The following MED13L variants were observed in gnomAD, a reference collection of about 807,000 sequenced individuals.
MED13L encodes mediator complex subunit 13L, also known as mediator of RNA polymerase II transcription subunit 13-like.
MED13L carries 7 observed loss-of-function variants against 220.9 expected under a neutral mutation model. That is an observed-to-expected ratio of 0.03 (90% CI 0.02 to 0.06). MED13L has a LOEUF of 0.06. Among genes scored for constraint, MED13L ranks in the 10% least tolerant of loss-of-function variants. The pLI is 1.00. For synonymous variants in MED13L, 1,011 were observed against 1,015.2 expected, an observed-to-expected ratio of 1.00 and a Z score of 0.08; for missense variants, 1,965 against 2,760.5, an observed-to-expected ratio of 0.71 and a Z score of 6.46.
chr12:115,995,238 A>G (rs1878323875), intron 16 of MED13L, among the ~76,000 whole-genome samples: 1 of 152,172 alleles, frequency 6.6e-6, no homozygotes. Context: ...TGGTTCCTTA[A>G]GCTCAGCACA....
intron 4 of MED13L, 44 bp downstream of exon 4, chr12:116,096,625 A>C: frequency 6.7e-7 from 1 of 1,481,754 alleles, no homozygotes; most frequent in South Asian, 1.1e-5. Context: ...ACCCACCCAC[A>C]AGGCCAAAGA....
chr12:116,090,604 A>C (rs2137786593), intron 4 of MED13L, among the ~76,000 whole-genome samples: 1 of 152,340 alleles, frequency 6.6e-6, no homozygotes, highest in Non-Finnish European at 1.5e-5. Context: ...AGAATCAGAG[A>C]ATCAGAAAGC....
chr12:116,108,812 T>A (rs182510599), intron 3 of MED13L, among the ~76,000 whole-genome samples: 7 of 152,302 alleles, frequency 4.6e-5, no homozygotes, highest in Admixed American at 3.9e-4. Flanking sequence ...AATCAAAGTA[T>A]GTAAAATAAA....
chr12:116,159,872 CCTG>C (rs1284692867), intron 2 of MED13L, among the ~76,000 whole-genome samples: 2 of 152,154 alleles, frequency 1.3e-5, no homozygotes, highest in Non-Finnish European at 2.9e-5. Context: ...TGTGCCACAT[CCTG>C]CTATTTCAAA....
At chr12:116,034,202 T>C (rs1418330398) in intron 4 of MED13L, among the ~76,000 whole-genome samples, 4 of 152,178 alleles carry the variant, frequency 2.6e-5, no homozygotes, top group African/African-American at 9.7e-5. Context: ...TTAGCCCATC[T>C]TACTAAATTT....
At chr12:116,090,821 G>C (rs1240860619) in intron 4 of MED13L, among the ~76,000 whole-genome samples, 1 of 152,104 alleles carries the variant, frequency 6.6e-6, no homozygotes, top group Admixed American at 6.6e-5. Context: ...AACCTCTCCA[G>C]TATATTAAAA....
At chr12:116,136,276 A>AT (rs1876544740) in intron 2 of MED13L, among the ~76,000 whole-genome samples, 1 of 152,208 alleles carries the variant, frequency 6.6e-6, no homozygotes, top group Non-Finnish European at 1.5e-5. Context: ...TGGTCCCTTC[A>AT]TATCTACCAT....
chr12:116,074,372 G>A (rs917616675), intron 4 of MED13L, among the ~76,000 whole-genome samples: 1 of 152,204 alleles, frequency 6.6e-6, no homozygotes, highest in African/African-American at 2.4e-5. Flanking sequence ...TCTAGCCTGG[G>A]CGACAGAGTG....
intron 2 of MED13L, among the ~76,000 whole-genome samples, chr12:116,217,613 G>A (rs549471766): frequency 3.9e-5 from 6 of 152,130 alleles, no homozygotes; most frequent in African/African-American, 9.7e-5. Flanking sequence ...GCAAAAACAC[G>A]AACAGAGGAG....
At chr12:116,035,853 A>C (rs1307782220) in intron 4 of MED13L, among the ~76,000 whole-genome samples, 1 of 152,156 alleles carries the variant, frequency 6.6e-6, no homozygotes, top group Non-Finnish European at 1.5e-5. Context: ...CTGGGATTAC[A>C]GACCTGAGCC....
At chr12:116,039,169 T>C (rs530331850) in intron 4 of MED13L, among the ~76,000 whole-genome samples, 1 of 152,350 alleles carries the variant, frequency 6.6e-6, no homozygotes, top group East Asian at 1.9e-4. Context: ...AGCACAAATA[T>C]AGCACAAAAG....
At chr12:116,081,378 T>C (rs1483384201) in intron 4 of MED13L, among the ~76,000 whole-genome samples, 2 of 152,224 alleles carry the variant, frequency 1.3e-5, no homozygotes, top group Non-Finnish European at 2.9e-5. Flanking sequence ...CCTTTTCTAG[T>C]ATATCTAGAA....
chr12:116,199,800 C>G (rs549808207), intron 2 of MED13L, among the ~76,000 whole-genome samples: 1 of 152,148 alleles, frequency 6.6e-6, no homozygotes, highest in Admixed American at 6.5e-5. Context: ...TGCCTTAACA[C>G]CATACTTCCA....
chr12:115,970,498 T>C (rs1876505987), intron 27 of MED13L, 96 bp downstream of exon 27: 9 of 1,343,014 alleles, frequency 6.7e-6, no homozygotes, highest in South Asian at 1.2e-5. Flanking sequence ...GGTTGTTTAT[T>C]ACAACACAGA....
intron 29 of MED13L, among the ~76,000 whole-genome samples, 160 bp downstream of exon 29, chr12:115,965,922 C>T (rs961898035): frequency 1.3e-5 from 2 of 152,118 alleles, no homozygotes; most frequent in Admixed American, 1.3e-4. Context: ...TACTCTCCAC[C>T]TACAACTGTA....
At chr12:116,276,406 GAA>G (rs1395359783) in intron 1 of MED13L, 1 of 1,285,548 alleles carries the variant, frequency 7.8e-7, no homozygotes, top group African/African-American at 1.5e-5. Flanking sequence ...CAGGAGGAGA[GAA>G]AGAAGAAAAA....
At chr12:116,238,363 T>C (rs778825455) in intron 1 of MED13L, among the ~76,000 whole-genome samples, 2 of 152,254 alleles carry the variant, frequency 1.3e-5, no homozygotes, top group Non-Finnish European at 2.9e-5. Context: ...TTGTAAAACA[T>C]GAGAACTTGC....
chr12:116,130,638 G>A (rs550619410), intron 2 of MED13L, among the ~76,000 whole-genome samples: 1 of 152,218 alleles, frequency 6.6e-6, no homozygotes, highest in South Asian at 2.1e-4. Context: ...GCACTTGATG[G>A]GTGTGATAAC....
chr12:116,018,231 A>G (rs1879847018), intron 7 of MED13L, among the ~76,000 whole-genome samples: 2 of 152,240 alleles, frequency 1.3e-5, no homozygotes, highest in South Asian at 2.1e-4. Context: ...CTCACCTTGT[A>G]AACGATATAG....
Sources: allele counts gnomAD v4.1 joint callset (sites outside exome capture counted in the v4.1 genomes callset), GRCh38; gene constraint gnomAD v4.1.1; transcripts MANE v1.5; gene names NCBI Gene and HGNC (gene_info 2026-07-23, HGNC 2026-07-21).